The following MYRIP variants were observed in gnomAD, a reference collection of about 807,000 sequenced individuals.
MYRIP encodes rab effector MyRIP.
Under a neutral mutation model 98.0 loss-of-function variants are expected in MYRIP, and 49 were observed. The observed-to-expected ratio is 0.50, with a 90% CI of 0.40 to 0.63. MYRIP has a LOEUF of 0.63. Among genes scored for constraint, MYRIP ranks in the 30% least tolerant of loss-of-function variants. The probability of loss-of-function intolerance (pLI) is 0.00; values close to 1 mark genes in which losing one functional copy is unlikely to be tolerated. For missense variants in MYRIP, 1,004 were observed against 1,058.2 expected (o/e 0.95, Z 0.71); for synonymous variants, 404 against 409.5 (o/e 0.99, Z 0.16).
chr3:40,192,227 T>C (rs908559642), intron 10 of MYRIP, among the ~76,000 whole-genome samples: 4 of 146,614 alleles, frequency 2.7e-5, no homozygotes, highest in African/African-American at 1.0e-4. Context: ...AAGTGCAGGA[T>C]TACAGGCATG....
At chr3:40,191,809 C>G (rs1220213463) in intron 10 of MYRIP, among the ~76,000 whole-genome samples, 1 of 152,082 alleles carries the variant, frequency 6.6e-6, no homozygotes, top group Non-Finnish European at 1.5e-5. Flanking sequence ...TTGTCTAGCT[C>G]AAGTGGAGAC....
chr3:39,974,984 C>G (rs1415325887), intron 2 of MYRIP, among the ~76,000 whole-genome samples: 3 of 152,128 alleles, frequency 2.0e-5, no homozygotes, highest in African/African-American at 7.2e-5. Context: ...AAAACTGGCA[C>G]AAGACAGGGA....
chr3:40,077,125 G>C (rs4337589), intron 3 of MYRIP, among the ~76,000 whole-genome samples: 1 of 151,932 alleles, frequency 6.6e-6, no homozygotes, highest in South Asian at 2.1e-4. Context: ...TCCTTCTGGC[G>C]GGTTCGTGGT....
intron 1 of MYRIP, among the ~76,000 whole-genome samples, chr3:39,857,481 A>G (rs555191087): frequency 5.3e-5 from 8 of 152,302 alleles, no homozygotes; most frequent in South Asian, 2.1e-4. Context: ...GAGCTTCAAC[A>G]TAATTCTCAA....
chr3:40,144,523 C>G (rs1455240457), intron 3 of MYRIP, among the ~76,000 whole-genome samples: 1 of 152,184 alleles, frequency 6.6e-6, no homozygotes, highest in Non-Finnish European at 1.5e-5. Context: ...CCATGTGGAC[C>G]CTTCCAGCTG....
intron 2 of MYRIP, among the ~76,000 whole-genome samples, chr3:40,011,508 T>C (rs961608781): frequency 2.6e-5 from 4 of 152,200 alleles, no homozygotes; most frequent in East Asian, 1.9e-4. Context: ...ACCAACATCA[T>C]AGCCATTCTT....
At chr3:39,946,956 G>A (rs1944917381) in intron 2 of MYRIP, among the ~76,000 whole-genome samples, 1 of 152,114 alleles carries the variant, frequency 6.6e-6, no homozygotes, top group South Asian at 2.1e-4. Context: ...AAAAAAGTTG[G>A]AATTCGCTAA....
At chr3:40,039,422 C>A (rs546648288) in intron 2 of MYRIP, among the ~76,000 whole-genome samples, 2 of 151,950 alleles carry the variant, frequency 1.3e-5, no homozygotes. Context: ...AAGAGTAACA[C>A]GAGGAAGGGA....
intron 1 of MYRIP, among the ~76,000 whole-genome samples, chr3:39,854,940 C>G (rs752799068): frequency 5.9e-5 from 9 of 152,150 alleles, no homozygotes; most frequent in Non-Finnish European, 1.2e-4. Context: ...GAGGGGCAAC[C>G]AGGCTCCAGG....
intron 1 of MYRIP, among the ~76,000 whole-genome samples, chr3:39,812,786 A>G (rs371814170): frequency 1.3e-5 from 2 of 152,358 alleles, no homozygotes; most frequent in African/African-American, 4.8e-5. Flanking sequence ...TCTTTTCCCA[A>G]GCTCTCAGAA....
At chr3:39,934,201 T>C (rs1944606624) in intron 2 of MYRIP, among the ~76,000 whole-genome samples, 1 of 150,792 alleles carries the variant, frequency 6.6e-6, no homozygotes, top group Non-Finnish European at 1.5e-5. Context: ...CAAAACTTGA[T>C]GCTGTGCCCA....
intron 2 of MYRIP, among the ~76,000 whole-genome samples, chr3:39,942,394 G>A (rs764220393): frequency 5.3e-5 from 8 of 152,114 alleles, no homozygotes; most frequent in Non-Finnish European, 1.0e-4. Flanking sequence ...GGAAAGCATT[G>A]ATCCTTTAGG....
chr3:39,881,844 T>C (rs1056804647), intron 1 of MYRIP, among the ~76,000 whole-genome samples: 4 of 152,144 alleles, frequency 2.6e-5, no homozygotes, highest in African/African-American at 7.2e-5. Context: ...TCAGTTTTCC[T>C]TCCTACGTAC....
At chr3:39,961,492 C>T (rs757514304) in intron 2 of MYRIP, among the ~76,000 whole-genome samples, 20 of 152,042 alleles carry the variant, frequency 1.3e-4, no homozygotes, top group Non-Finnish European at 2.8e-4. Flanking sequence ...CCACGATTTG[C>T]GAGTCCCATT....
chr3:40,017,797 CTG>C (rs1297674010), intron 2 of MYRIP, among the ~76,000 whole-genome samples: 5 of 148,060 alleles, frequency 3.4e-5, no homozygotes, highest in African/African-American at 1.0e-4. Flanking sequence ...TAAGGCCAGA[CTG>C]TGAGTTTTTG....
rs1220992863 is a variant in MYRIP, at chr3:39,852,816, C to T, written c.-31+42900C>T. 3.9e-5 allele frequency among the ~76,000 whole-genome samples: 6 copies of T among 152,146 alleles called. No individual in the cohort carries two copies. In the South Asian group the frequency reaches 6.2e-4, roughly 16 times the overall value. On this transcript the variant is annotated intron_variant, in intron 1 of 16. Transcript: ENST00000302541. Reference sequence around the variant, plus strand: ...CTCCTCTTCTCGAGATAGTCTCACTCTGTTGCCAGACTGGAGTGCAGTGGC... The same window carrying T: ...CTCCTCTTCTCGAGATAGTCTCACTTTGTTGCCAGACTGGAGTGCAGTGGC...
intron 3 of MYRIP, among the ~76,000 whole-genome samples, chr3:40,124,461 T>C (rs1949477544): frequency 1.3e-5 from 2 of 152,214 alleles, no homozygotes; most frequent in African/African-American, 4.8e-5. Flanking sequence ...CTGGTCACCA[T>C]TGTGGTCAGG....
intron 3 of MYRIP, among the ~76,000 whole-genome samples, chr3:40,101,734 T>C (rs529943907): frequency 1.3e-5 from 2 of 152,362 alleles, no homozygotes; most frequent in South Asian, 4.1e-4. Context: ...ATGCTATTGC[T>C]TCATACCTGC....
chr3:40,221,047 A>G (rs1274817716), intron 11 of MYRIP, among the ~76,000 whole-genome samples: 2 of 127,526 alleles, frequency 1.6e-5, no homozygotes, highest in African/African-American at 7.1e-5. Flanking sequence ...GTCACCAAAA[A>G]AAAAAAAAAA....
Sources: gnomAD v4.1 joint callset for allele counts (sites outside exome capture counted in the v4.1 genomes callset) on GRCh38, gnomAD v4.1.1 for gene constraint, MANE v1.5 for transcripts, NCBI Gene and HGNC (gene_info 2026-07-23, HGNC 2026-07-21) for gene names.